Variants in DIDO1 observed in about 807,000 individuals in gnomAD.
The protein encoded by DIDO1 is death inducer-obliterator 1.
Under a neutral mutation model 99.4 loss-of-function variants are expected in DIDO1, and 16 were observed. The observed-to-expected ratio is 0.16, with a 90% CI of 0.11 to 0.24. The LOEUF is 0.24. Among genes scored for constraint, DIDO1 ranks in the 10% least tolerant of loss-of-function variants. The pLI is 1.00. For synonymous variants in DIDO1, 1,366 were observed against 1,239.1 expected (o/e 1.10, Z -2.15); for missense variants, 2,996 against 3,014.0 (o/e 0.99, Z 0.14).
Position 62,895,035 on chromosome 20 carries a change from C to T in DIDO1, c.2331+14G>A. The T allele has an allele frequency of 6.2e-7, 1 of 1,600,714 alleles. No individual in the cohort carries two copies. The highest frequency in any genetic ancestry group is 8.6e-7 in the Non-Finnish European group (1 of 1,168,478). ...GAGTCCTGGGTGCCTCCGCAGGTAC[C>T]CCTCAGCACTCACAGATCTCGCTGG... On this transcript the variant is annotated intron_variant, in intron 9 of 15. Coordinates refer to ENST00000395343, the MANE Select transcript of DIDO1 (RefSeq NM_001193369.2).
rs146732987 is a variant in DIDO1 at position 62,881,816 on chromosome 20, C to T, written c.4140G>A (p.Glu1380=). The change falls in exon 16 of 16, where the codon GAG becomes GAA. Residue 1380 remains glutamate (E), a synonymous_variant. Transcript: ENST00000395343. The surrounding 1 kb of genome is among the most constrained non-coding windows in gnomAD (Gnocchi z 8.3). Reference sequence around the variant, plus strand: ...CCTCAGGGTCGTATGGCCTGTCGTCCTCCTCTTCCTCTAGAGCCTTATCTT... The same window carrying T: ...CCTCAGGGTCGTATGGCCTGTCGTCTTCCTCTTCCTCTAGAGCCTTATCTT... ...FSKDKALEEE[E]DDRPYDPEEE... is the part of the protein sequence containing the mutation. 746 of 1,613,508 alleles carry T rather than the reference C, an allele frequency of 4.6e-4. 14 individuals carry two copies. In the East Asian group the frequency reaches 0.016, roughly 36 times the overall value.
At chr20:62,900,225 C>T (rs1010734396) in intron 6 of DIDO1, among the ~76,000 whole-genome samples, 9 of 152,272 alleles carry the variant, frequency 5.9e-5, no homozygotes, top group Non-Finnish European at 1.3e-4. Flanking sequence ...GGTCGCAGTG[C>T]TGTCTCCTTT....
rs1249110300 is a variant in DIDO1, at chr20:62,895,062, C to T, written c.2318G>A (p.Arg773Lys). Reference protein sequence around the residue: ...VSKELSTWKERPARSVMESRT... With the variant: ...VSKELSTWKEKPARSVMESRT... ...CTCAGCACTCACAGATCTCGCTGGCCTCTCTTTCCACGTGGAAAGCTCTTT... is the reference window on the plus strand; with the variant it reads ...CTCAGCACTCACAGATCTCGCTGGCTTCTCTTTCCACGTGGAAAGCTCTTT... The change falls in exon 9 of 16, where the codon AGG becomes AAG. Residue 773 changes from arginine (R) to lysine (K), a missense_variant. Transcript: ENST00000395343. The T allele has an allele frequency of 7.5e-6, 12 of 1,608,386 alleles. No homozygotes were observed. Among genetic ancestry groups the T allele is most frequent in the Non-Finnish European group, 1.0e-5 (12 of 1,175,122 alleles).
rs1207221142 is a variant in DIDO1 at position 62,879,369 on chromosome 20, T to G, written c.6587A>C (p.Glu2196Ala). ...GTCCCTGGCCTTGTCTCGGTCCCGC[T>G]CTCTGCTCCGGGACCGGTCCCGGTC... ...RRDRDRSRSR[E>A]RDRDKARDRE... The change falls in exon 16 of 16, where the codon GAG becomes GCG. Residue 2196 changes from glutamate to alanine, a missense_variant. By Grantham distance (107) the Glu-to-Ala change is moderately radical. Transcript: ENST00000395343. The surrounding 1 kb of genome is among the most constrained non-coding windows in gnomAD (Gnocchi z 6.3). 23 of 1,547,526 alleles carry G rather than the reference T, an allele frequency of 1.5e-5. No homozygotes were observed. Among genetic ancestry groups the G allele is most frequent in the Non-Finnish European group, 1.8e-5 (21 of 1,148,450 alleles).
At chr20:62,926,190 G>GA (rs1420294929) in intron 1 of DIDO1, among the ~76,000 whole-genome samples, 6 of 151,778 alleles carry the variant, frequency 4.0e-5, no homozygotes, top group Non-Finnish European at 8.8e-5. Flanking sequence ...ACCTCACGCA[G>GA]CCCACCAGGG....
chr20:62,894,777 T>G lies in DIDO1; in HGVS notation c.2436+33A>C, dbSNP rs2064479910. ...AAACATTTGGGATGGATTAGTCTAT[T>G]CTCGGTGAACACAAAATCTCCCAAA... On this transcript the variant is annotated intron_variant, in intron 10 of 15. Transcript: ENST00000395343. The surrounding 1 kb of genome is among the most constrained non-coding windows in gnomAD (Gnocchi z 4.4). 4.4e-6 allele frequency: 7 copies of G among 1,592,378 alleles called. No homozygotes were observed. Among genetic ancestry groups the G allele is most frequent in the South Asian group, 1.1e-5 (1 of 89,952 alleles).
rs1308076764 is a variant in DIDO1 at position 62,882,017 on chromosome 20, C to G, written c.3939G>C (p.Pro1313=). 1 of 1,613,484 alleles carries G rather than the reference C, an allele frequency of 6.2e-7. No individual in the cohort carries two copies. Among genetic ancestry groups the G allele is most frequent in the Admixed American group, 1.7e-5 (1 of 60,030 alleles). Residue 1313 remains proline (P), a synonymous_variant, in exon 16 of 16, where the codon CCG becomes CCC. Coordinates refer to ENST00000395343, the MANE Select transcript of DIDO1 (RefSeq NM_001193369.2). ...TASSASKTAS[P]LEHILQTLFG... ...AGAGAGTCTGCAGGATGTGCTCCAG[C>G]GGTGATGCTGTTTTGGAAGCAGACG...
upstream of DIDO1, among the ~76,000 whole-genome samples, chr20:62,929,499 G>C (rs1178172311): frequency 6.6e-6 from 1 of 151,928 alleles, no homozygotes; most frequent in African/African-American, 2.4e-5. Context: ...CCGGAACATA[G>C]TTCTTTCTGG....
Position 62,912,363 on chromosome 20 carries a change from T to C in DIDO1, c.-2-749A>G, listed in dbSNP as rs750516762. Among the ~76,000 whole-genome samples, 6 of 152,118 alleles carry C rather than the reference T, an allele frequency of 3.9e-5. No individual in the cohort carries two copies. In the South Asian group the frequency reaches 6.2e-4, roughly 16 times the overall value. ...TTAGTCTACTGAGCTTTGGAGATAT[T>C]GTTAGCAGCAAGACAACTGGGACAC... On this transcript the variant is annotated intron_variant, in intron 2 of 15. Coordinates refer to ENST00000395343, the MANE Select transcript of DIDO1 (RefSeq NM_001193369.2).
rs776467596 is a variant in DIDO1, at chr20:62,881,117, C to T, written c.4839G>A (p.Glu1613=). 1.2e-6 allele frequency: 2 copies of T among 1,609,026 alleles called. No individual in the cohort carries two copies. Among genetic ancestry groups the T allele is most frequent in the South Asian group, 2.2e-5 (2 of 90,916 alleles). The change falls in exon 16 of 16, where the codon GAG becomes GAA. Residue 1613 remains glutamate, a synonymous_variant. Coordinates refer to ENST00000395343, the MANE Select transcript of DIDO1 (RefSeq NM_001193369.2). This position sits in a 1 kb window ranked among gnomAD's most constrained non-coding sequence, Gnocchi z 8.3. ...CCGAAGCCCAGGGGGAAGAGGCTGGCTCTTTTTCCTCCGGGACTGGCATGG... is the reference window on the plus strand; with the variant it reads ...CCGAAGCCCAGGGGGAAGAGGCTGGTTCTTTTTCCTCCGGGACTGGCATGG... ...QAPMPVPEEK[E]PASSPWASGE...
intron 3 of DIDO1, 41 bp from the exon 4 acceptor site, chr20:62,910,061 T>A: frequency 6.3e-7 from 1 of 1,574,946 alleles, no homozygotes; most frequent in South Asian, 1.1e-5. Flanking sequence ...GGGACGTGAG[T>A]GACAAGCACT....
At chr20:62,928,384 G>C (rs2065287841), upstream of DIDO1, among the ~76,000 whole-genome samples, 2 of 152,174 alleles carry the variant, frequency 1.3e-5, no homozygotes, top group Non-Finnish European at 2.9e-5. Context: ...CAAGTCCAGA[G>C]GATACTGGAA....
rs1381723872 is a variant in DIDO1, at chr20:62,880,252, C to T, written c.5704G>A (p.Gly1902Ser). The T allele has an allele frequency of 6.2e-7, 1 of 1,612,656 alleles. No homozygotes were observed. Residue 1902 changes from glycine (G) to serine (S), a missense_variant, in exon 16 of 16, where the codon GGC becomes AGC. By Grantham distance (56) the Gly-to-Ser change is moderately conservative. This residue lies in a region of DIDO1 where 1,562 missense variants were observed against 1,412.6 expected (regional missense o/e 1.11). Coordinates refer to ENST00000395343, the MANE Select transcript of DIDO1 (RefSeq NM_001193369.2). ...GAGGGAGGGGGGCCGCCTCGGGGGC[C>T]TTTCAGCTGAGACAGCAGTGGCCTT... ...QRRPLLSQLK[G>S]PRGGPPPSQF... is the part of the protein sequence containing the mutation.
chr20:62,907,088 G>C, intron 5 of DIDO1, 59 bp downstream of exon 5: 2 of 1,577,188 alleles, frequency 1.3e-6, no homozygotes, highest in Non-Finnish European at 1.7e-6. Context: ...ACAGTTCTGC[G>C]ACAAACGCTC....
Position 62,911,687 on chromosome 20 carries a change from G to C in DIDO1, c.-2-73C>G, listed in dbSNP as rs915388359. On this transcript the variant is annotated intron_variant, in intron 2 of 15. Coordinates refer to ENST00000395343, the MANE Select transcript of DIDO1 (RefSeq NM_001193369.2). This position sits in a 1 kb window ranked among gnomAD's most constrained non-coding sequence, Gnocchi z 7.0. ...AAGGTGACATTGCCGCCAAACACGC[G>C]CAGCAGGGGCCACCTCCCTACAAAC... The C allele has an allele frequency of 1.7e-5, 23 of 1,351,922 alleles. No homozygotes were observed. Among genetic ancestry groups the C allele is most frequent in the Non-Finnish European group, 2.3e-5 (23 of 1,005,798 alleles). The allele number at this position is 1,351,922 out of a possible 1,614,324, so 83.7% of individuals were successfully genotyped here.
At chr20:62,937,581 G>A (rs7266032) in intron 1 of DIDO1, among the ~76,000 whole-genome samples, 1,836 of 152,336 alleles carry the variant, frequency 0.012, 44 homozygotes, top group African/African-American at 0.042. Flanking sequence ...CGAGTAAAGC[G>A]GGGGAACTCG....
intron 1 of DIDO1, among the ~76,000 whole-genome samples, chr20:62,921,353 G>A (rs988315277): frequency 1.3e-5 from 2 of 152,198 alleles, no homozygotes; most frequent in Admixed American, 6.5e-5. Flanking sequence ...TCTGGTAACC[G>A]CTGACACAGC....
At chr20:62,895,018 G>T in intron 9 of DIDO1, 31 bp downstream of exon 9, 1 of 1,596,108 alleles carries the variant, frequency 6.3e-7, no homozygotes, top group Non-Finnish European at 8.6e-7. Context: ...TCGAGTCCTG[G>T]GTGCCTCCGC....
intron 1 of DIDO1, among the ~76,000 whole-genome samples, chr20:62,922,241 T>TAC (rs770823400): frequency 2.8e-4 from 41 of 146,264 alleles, no homozygotes; most frequent in South Asian, 6.5e-4. Flanking sequence ...CATATATATA[T>TAC]ATACACACAC....
Sources: allele counts gnomAD v4.1 joint callset (sites outside exome capture counted in the v4.1 genomes callset), GRCh38; gene constraint gnomAD v4.1.1; regional missense constraint gnomAD v4.1.1; non-coding constraint Gnocchi (gnomAD v3.1); transcripts MANE v1.5; gene names NCBI Gene and HGNC (gene_info 2026-07-23, HGNC 2026-07-21).